RBFOX1: variants seen among roughly 807,000 people sequenced by gnomAD.
The protein encoded by RBFOX1 is RNA binding fox-1 homolog 1.
In RBFOX1, 8 loss-of-function variants were observed where a neutral mutation model predicts 57.7. That is an observed-to-expected ratio of 0.14 (90% CI 0.08 to 0.25). The LOEUF is 0.25. Among genes scored for constraint, RBFOX1 ranks in the 10% least tolerant of loss-of-function variants. The pLI is 1.00. For synonymous variants in RBFOX1, 326 were observed against 222.4 expected (o/e 1.47, Z -4.15); for missense variants, 611 against 548.5 (o/e 1.11, Z -1.14).
chr16:7,379,333 C>T (rs1481022223), intron 4 of RBFOX1, among the ~76,000 whole-genome samples: 4 of 152,108 alleles, frequency 2.6e-5, no homozygotes, highest in African/African-American at 7.2e-5. Flanking sequence ...AAAATAATAA[C>T]AGTATTATCT....
At chr16:6,322,137 A>G (rs940151912) in intron 2 of RBFOX1, among the ~76,000 whole-genome samples, 9 of 152,186 alleles carry the variant, frequency 5.9e-5, no homozygotes, top group African/African-American at 2.2e-4. Flanking sequence ...ACTTCTTTTC[A>G]TTCCCTCTGT....
chr16:7,210,744 G>A (rs993082255), intron 4 of RBFOX1, among the ~76,000 whole-genome samples: 6 of 152,000 alleles, frequency 3.9e-5, no homozygotes, highest in African/African-American at 1.5e-4. Flanking sequence ...TCAATAAGGG[G>A]GTTCAGGGAG....
At chr16:7,151,816 C>T (rs1408173211) in intron 4 of RBFOX1, among the ~76,000 whole-genome samples, 3 of 152,116 alleles carry the variant, frequency 2.0e-5, no homozygotes, top group Non-Finnish European at 4.4e-5. Flanking sequence ...TCATAAGCCA[C>T]ATGCAACCTA....
At chr16:7,638,905 G>A (rs1186986470) in intron 11 of RBFOX1, among the ~76,000 whole-genome samples, 1 of 151,778 alleles carries the variant, frequency 6.6e-6, no homozygotes, top group Non-Finnish European at 1.5e-5. Flanking sequence ...CTGCTTGGGG[G>A]TGGAAATAAG....
intron 5 of RBFOX1, among the ~76,000 whole-genome samples, chr16:7,522,475 A>G (rs2077721336): frequency 1.3e-5 from 2 of 152,208 alleles, no homozygotes; most frequent in South Asian, 2.1e-4. Context: ...CTAGAAGACA[A>G]TAGTTTTGCT....
At chr16:6,364,849 G>T (rs1348729848) in intron 2 of RBFOX1, among the ~76,000 whole-genome samples, 1 of 152,170 alleles carries the variant, frequency 6.6e-6, no homozygotes, top group Middle Eastern at 3.2e-3. Flanking sequence ...GAAGGCAAAG[G>T]GAATGTCAGA....
intron 3 of RBFOX1, among the ~76,000 whole-genome samples, chr16:6,978,365 A>T (rs184012100): frequency 1.3e-5 from 2 of 152,156 alleles, no homozygotes; most frequent in African/African-American, 2.4e-5. Flanking sequence ...AATTAGATCT[A>T]ATTACTCATA....
At chr16:5,656,299 A>G (rs550330648) in intron 3 of RBFOX1, among the ~76,000 whole-genome samples, 2 of 152,284 alleles carry the variant, frequency 1.3e-5, no homozygotes, top group South Asian at 2.1e-4. Context: ...GTCTCTCAGC[A>G]CTCAGTGCAG....
At chr16:7,361,438 A>G (rs1012962444) in intron 4 of RBFOX1, among the ~76,000 whole-genome samples, 1 of 152,142 alleles carries the variant, frequency 6.6e-6, no homozygotes, top group Non-Finnish European at 1.5e-5. Flanking sequence ...GCTTGAAAGA[A>G]CGGTTTCCTT....
intron 4 of RBFOX1, among the ~76,000 whole-genome samples, chr16:5,876,764 C>T (rs1413435523): frequency 1.3e-5 from 2 of 152,214 alleles, no homozygotes; most frequent in African/African-American, 4.8e-5. Context: ...TCATACTTCA[C>T]TCCAGCTCTC....
intron 3 of RBFOX1, among the ~76,000 whole-genome samples, chr16:6,857,760 G>A (rs974167403): frequency 1.3e-5 from 2 of 152,138 alleles, no homozygotes; most frequent in Admixed American, 6.5e-5. Context: ...AGTGGAATGC[G>A]AATTTTGTTC....
At chr16:6,263,413 A>G (rs963315215) in intron 1 of RBFOX1, among the ~76,000 whole-genome samples, 1 of 152,178 alleles carries the variant, frequency 6.6e-6, no homozygotes, top group Admixed American at 6.5e-5. Context: ...TGATAAACAC[A>G]TTCAATTGGT....
intron 2 of RBFOX1, among the ~76,000 whole-genome samples, chr16:5,467,990 G>C (rs1287419743): frequency 1.3e-5 from 2 of 152,154 alleles, no homozygotes; most frequent in African/African-American, 2.4e-5. Context: ...ATTGGGGATG[G>C]TTTAAGTGGC....
intron 3 of RBFOX1, among the ~76,000 whole-genome samples, chr16:7,043,866 C>T (rs1257818160): frequency 1.3e-5 from 2 of 152,198 alleles, no homozygotes; most frequent in African/African-American, 2.4e-5. Context: ...ACACATCCTC[C>T]TGCCTTTCCT....
At chr16:7,705,748 A>G (rs990124193) in intron 14 of RBFOX1, among the ~76,000 whole-genome samples, 1 of 152,192 alleles carries the variant, frequency 6.6e-6, no homozygotes, top group African/African-American at 2.4e-5. Flanking sequence ...AAGGAGCAAG[A>G]GTTGAAAAAA....
In RBFOX1 at chr16:7,624,593, T is replaced by G. The variant is rs149366474; in HGVS notation, c.677-6010T>G. On this transcript the variant is annotated intron_variant, in intron 10 of 15. Transcript: ENST00000550418. ...TAGATGCCAATAAGTACCAGCCAAA[T>G]GAATGATAATACTCACTACATCATA... Among the ~76,000 whole-genome samples the G allele has an allele frequency of 2.2e-4, 34 of 152,302 alleles. No homozygotes were observed. In the East Asian group the frequency reaches 5.8e-3, roughly 26 times the overall value.
intron 5 of RBFOX1, among the ~76,000 whole-genome samples, chr16:7,525,192 T>C (rs2078421962): frequency 6.6e-6 from 1 of 152,206 alleles, no homozygotes; most frequent in African/African-American, 2.4e-5. Flanking sequence ...ACTATTTCCA[T>C]TCTCAAAATT....
At chr16:5,749,859 C>T (rs1041550592) in intron 3 of RBFOX1, among the ~76,000 whole-genome samples, 1 of 152,212 alleles carries the variant, frequency 6.6e-6, no homozygotes, top group African/African-American at 2.4e-5. Context: ...GCCTTCTTCT[C>T]TCAACTCGTC....
At chr16:5,440,289 A>G (rs1035988944) in intron 1 of RBFOX1, among the ~76,000 whole-genome samples, 46 of 152,310 alleles carry the variant, frequency 3.0e-4, no homozygotes, top group African/African-American at 1.1e-3. Flanking sequence ...CCAATTATAT[A>G]TTCACATCCA....
Sources: gnomAD v4.1 joint callset for allele counts (sites outside exome capture counted in the v4.1 genomes callset) on GRCh38, gnomAD v4.1.1 for gene constraint, MANE v1.5 for transcripts, NCBI Gene and HGNC (gene_info 2026-07-23, HGNC 2026-07-21) for gene names.